PIGN: variants seen among roughly 807,000 people sequenced by gnomAD.
The protein encoded by PIGN is GPI ethanolamine phosphate transferase 1.
In PIGN, 117 loss-of-function variants were observed where a neutral mutation model predicts 125.4. The observed-to-expected ratio is 0.93, with a 90% CI of 0.80 to 1.09. The LOEUF is 1.09. Ranked by LOEUF, PIGN falls within the 50% of genes least tolerant of loss-of-function variation. PIGN has a pLI of 0.00. For missense variants in PIGN, 1,075 were observed against 1,094.9 expected (o/e 0.98, Z 0.26); for synonymous variants, 392 against 377.8 (o/e 1.04, Z -0.44).
chr18:62,040,106 C>A (rs1599379133), downstream of PIGN, among the ~76,000 whole-genome samples: 2 of 91,552 alleles, frequency 2.2e-5, no homozygotes, highest in East Asian at 5.2e-4. Context: ...TTTAGGGCCC[C>A]TTCCAGGGTG....
downstream of PIGN, among the ~76,000 whole-genome samples, chr18:62,036,313 C>A (rs2030260572): frequency 6.6e-6 from 1 of 151,462 alleles, no homozygotes; most frequent in African/African-American, 2.4e-5. Context: ...CTATGTTGCC[C>A]AGGCTGTCCT....
At chr18:62,138,797 G>C (rs2036028954) in intron 13 of PIGN, among the ~76,000 whole-genome samples, 186 bp downstream of exon 13, 1 of 152,116 alleles carries the variant, frequency 6.6e-6, no homozygotes, top group South Asian at 2.1e-4. Flanking sequence ...ACAATTTTAT[G>C]TCCTCAGACT....
intron 1 of PIGN, among the ~76,000 whole-genome samples, chr18:62,177,828 T>C (rs1336502215): frequency 6.6e-6 from 1 of 152,184 alleles, no homozygotes; most frequent in Non-Finnish European, 1.5e-5. Flanking sequence ...CTTAAATGCC[T>C]AAAACAAAAA....
chr18:62,021,845 C>T (rs1199027288), intron 23 of PIGN, among the ~76,000 whole-genome samples: 1 of 152,146 alleles, frequency 6.6e-6, no homozygotes, highest in Admixed American at 6.5e-5. Context: ...ATCAGGGTCT[C>T]GGCTGAGCTA....
At chr18:62,123,226 T>C (rs975784334) in intron 14 of PIGN, among the ~76,000 whole-genome samples, 1 of 152,112 alleles carries the variant, frequency 6.6e-6, no homozygotes, top group East Asian at 1.9e-4. Context: ...GGCAACAGCG[T>C]AAGACCCTCT....
chr18:62,133,209 G>A (rs1195189895), intron 14 of PIGN, among the ~76,000 whole-genome samples: 3 of 152,168 alleles, frequency 2.0e-5, no homozygotes, highest in African/African-American at 7.2e-5. Flanking sequence ...ATGTTCAGTA[G>A]GTTAGGTGTA....
intron 22 of PIGN, 34 bp downstream of exon 22, chr18:62,101,041 C>T: frequency 1.8e-6 from 2 of 1,116,806 alleles, no homozygotes; most frequent in East Asian, 2.3e-5. Context: ...AAGTTGATGT[C>T]AAATTACCTC....
intron 4 of PIGN, among the ~76,000 whole-genome samples, chr18:62,158,320 T>C (rs1444216915): frequency 6.6e-6 from 1 of 152,088 alleles, no homozygotes; most frequent in Non-Finnish European, 1.5e-5. Context: ...TGAACGCAAT[T>C]ATGAAAAAAG....
intron 23 of PIGN, among the ~76,000 whole-genome samples, chr18:62,018,574 A>T (rs2030010764): frequency 6.6e-6 from 1 of 152,196 alleles, no homozygotes; most frequent in Admixed American, 6.5e-5. Context: ...GGCCTGTTAC[A>T]TACCTTTACC....
chr18:62,168,411 T>A (rs2037231590), intron 1 of PIGN, among the ~76,000 whole-genome samples: 1 of 152,172 alleles, frequency 6.6e-6, no homozygotes, highest in African/African-American at 2.4e-5. Context: ...CTATTTGTTC[T>A]TTTTTCCCAC....
rs543010703 is a variant in PIGN at position 62,120,908 on chromosome 18, C to T, written c.1173-6269G>A. Among the ~76,000 whole-genome samples, 148 of 151,828 alleles carry T rather than the reference C, an allele frequency of 9.7e-4. 1 individual carries two copies. The highest frequency in any genetic ancestry group is 3.5e-3 in the African/African-American group (143 of 41,416). On this transcript the variant is annotated intron_variant, in intron 14 of 30. Coordinates refer to ENST00000640252, the MANE Select transcript of PIGN (RefSeq NM_176787.5). Reference sequence around the variant, plus strand: ...CAACTAAAAGAAAAAAAGTAGAATACTGGATAAAAAAACAAACAACAAAGT... The same window carrying T: ...CAACTAAAAGAAAAAAAGTAGAATATTGGATAAAAAAACAAACAACAAAGT...
intron 14 of PIGN, among the ~76,000 whole-genome samples, chr18:62,120,177 G>A (rs1484052408): frequency 6.6e-6 from 1 of 151,822 alleles, no homozygotes; most frequent in East Asian, 1.9e-4. Context: ...CTGAAAACCA[G>A]TCAAAGAGAA....
intron 1 of PIGN, among the ~76,000 whole-genome samples, chr18:62,181,066 C>T (rs2037700521): frequency 6.6e-6 from 1 of 151,962 alleles, no homozygotes; most frequent in African/African-American, 2.4e-5. Flanking sequence ...TGTTTTTAAC[C>T]AGCTCACAAG....
intron 4 of PIGN, among the ~76,000 whole-genome samples, chr18:62,159,750 T>C (rs552268666): frequency 6.6e-6 from 1 of 152,332 alleles, no homozygotes; most frequent in East Asian, 1.9e-4. Context: ...CATTATGTTA[T>C]AGGAACTGGA....
intron 26 of PIGN, 96 bp downstream of exon 26, chr18:62,085,113 G>GA (rs1189324711): frequency 1.6e-3 from 1,191 of 722,594 alleles, no homozygotes; most frequent in Non-Finnish European, 2.0e-3. Flanking sequence ...GTCTCAAAAA[G>GA]AAAAAAAAAT....
At chr18:62,064,641 T>C (rs953074545) in intron 30 of PIGN, among the ~76,000 whole-genome samples, 1 of 152,234 alleles carries the variant, frequency 6.6e-6, no homozygotes, top group Non-Finnish European at 1.5e-5. Flanking sequence ...TTCATGAGAC[T>C]CAATGAGATA....
rs1727259798 is a variant in PIGN, at chr18:62,148,235, T to C, written c.653A>G (p.His218Arg). ...LHLLGIDTNG[H>R]AHRPSSRDYK... ...TTACCTCGAGGATGGTCGATGAGCATGTCCGTTTGTATCTATTCCTAATAA... is the reference window on the plus strand; with the variant it reads ...TTACCTCGAGGATGGTCGATGAGCACGTCCGTTTGTATCTATTCCTAATAA... The change falls in exon 8 of 31, where the codon CAT (histidine) becomes CGT (arginine). Residue 218 changes from histidine (H) to arginine (R), a missense_variant. By Grantham distance (29) the His-to-Arg change is conservative. This residue lies in a region of PIGN where 915 missense variants were observed against 908.7 expected (regional missense o/e 1.01). Transcript: ENST00000640252. 5.2e-6 allele frequency: 8 copies of C among 1,544,380 alleles called. No individual in the cohort carries two copies. The highest frequency in any genetic ancestry group is 1.2e-5 in the South Asian group (1 of 81,426).
intron 14 of PIGN, chr18:62,118,596 T>G (rs1356497453): frequency 6.6e-6 from 1 of 152,190 alleles, no homozygotes; most frequent in Non-Finnish European, 1.5e-5. Flanking sequence ...TTGGCAATCT[T>G]GGAAGACTGG....
At chr18:62,025,625 T>A (rs2030107562) in intron 23 of PIGN, among the ~76,000 whole-genome samples, 1 of 152,200 alleles carries the variant, frequency 6.6e-6, no homozygotes, top group South Asian at 2.1e-4. Context: ...TATGCAAACC[T>A]CCATTGGACA....
Sources: allele counts gnomAD v4.1 joint callset (sites outside exome capture counted in the v4.1 genomes callset), GRCh38; gene constraint gnomAD v4.1.1; regional missense constraint gnomAD v4.1.1; transcripts MANE v1.5; gene names NCBI Gene and HGNC (gene_info 2026-07-23, HGNC 2026-07-21).